Variants in GRID2IP observed in about 807,000 individuals in gnomAD.
GRID2IP encodes the protein delphilin.
Under a neutral mutation model 114.3 loss-of-function variants are expected in GRID2IP, and 78 were observed. That is an observed-to-expected ratio of 0.68 (90% confidence interval 0.57 to 0.82). The LOEUF (loss-of-function observed/expected upper bound fraction) is 0.82. GRID2IP is among the 40% of genes least tolerant of loss of function. The pLI, the probability that GRID2IP is intolerant of heterozygous loss-of-function variation, is 0.00. For missense variants in GRID2IP, 1,727 were observed against 1,678.5 expected (o/e 1.03, Z -0.51); for synonymous variants, 809 against 724.0 (o/e 1.12, Z -1.89).
At chr7:6,540,939 T>G (rs986400673) in intron 1 of GRID2IP, among the ~76,000 whole-genome samples, 2 of 152,088 alleles carry the variant, frequency 1.3e-5, no homozygotes, top group African/African-American at 4.8e-5. Flanking sequence ...TGGGCTCAAG[T>G]GATCCTCCCT....
rs916434211 is a variant in GRID2IP, at chr7:6,539,124, G to C, written c.584+594C>G. ...CTAGGTTTTGGGGTGGAGCAGGGCA[G>C]ACTGTGACCTTTTTTTTTTTTTGAG... On this transcript the variant is annotated intron_variant, in intron 2 of 21. Transcript: ENST00000457091. 2.6e-3 allele frequency among the ~76,000 whole-genome samples: 349 copies of C among 135,852 alleles called. 3 individuals are homozygous for C. Among genetic ancestry groups the C allele is most frequent in the Non-Finnish European group, 1.3e-3 (82 of 65,526 alleles). 89.1% of individuals were successfully genotyped at this position (135,852 alleles called of 152,430 possible). A position where few individuals can be genotyped will look rare whatever the true frequency, so the allele number is the denominator to read the frequency against.
In GRID2IP at chr7:6,532,703, T is replaced by C. The variant is rs946556639; in HGVS notation, c.585-5934A>G. ...TGGGGCCCCAGCCATCCCATTATGATTGGAGCCATTCCTGGTTGTATTGTG... is the reference window on the plus strand; with the variant it reads ...TGGGGCCCCAGCCATCCCATTATGACTGGAGCCATTCCTGGTTGTATTGTG... On this transcript the variant is annotated intron_variant, in intron 2 of 21. Transcript: ENST00000457091. The surrounding 1 kb of genome is among the most constrained non-coding windows in gnomAD (Gnocchi z 4.4). Among the ~76,000 whole-genome samples, 2 of 152,320 alleles carry C rather than the reference T, an allele frequency of 1.3e-5. No individual in the cohort carries two copies. The highest frequency in any genetic ancestry group is 2.9e-5 in the Non-Finnish European group (2 of 68,034).
At chr7:6,549,764 G>A (rs1385994229) in intron 1 of GRID2IP, among the ~76,000 whole-genome samples, 3 of 151,386 alleles carry the variant, frequency 2.0e-5, no homozygotes, top group African/African-American at 7.3e-5. Context: ...TGGCACCACA[G>A]GCGCGCGCCA....
In GRID2IP at chr7:6,539,732, G is replaced by C; in HGVS notation, c.570C>G (p.Leu190=). The change falls in exon 2 of 22, where the codon CTC becomes CTG. Residue 190 remains leucine (L), a synonymous_variant. Coordinates refer to ENST00000457091, the MANE Select transcript of GRID2IP (RefSeq NM_001145118.2). ...GCCCGCAGTACCTGAGGTTGTCCAG[G>C]AGTGGCCCGCAGGCCTCTCGGGGCA... is the stretch of plus-strand genomic sequence containing the variant. ...LALPREACGP[L]LDNLRIFIPK... is the part of the protein sequence containing the mutation. 6.5e-7 allele frequency: 1 copy of C among 1,549,292 alleles called. No individual in the cohort carries two copies. The highest frequency in any genetic ancestry group is 1.2e-5 in the South Asian group (1 of 83,926).
rs527505382 is a variant in GRID2IP at position 6,503,298 on chromosome 7, C to A, written c.2908-135G>T. The A allele has an allele frequency of 4.6e-6, 5 of 1,093,490 alleles. No individual in the cohort carries two copies. In the African/African-American group the frequency reaches 6.3e-5, roughly 14 times the overall value. 67.7% of individuals were successfully genotyped at this position (1,093,490 alleles called of 1,614,324 possible). On this transcript the variant is annotated intron_variant, in intron 16 of 21. Coordinates refer to ENST00000457091, the MANE Select transcript of GRID2IP (RefSeq NM_001145118.2). ...TTCCGGTAGGAAGAATAAGCACGATCCCTGGGGGAGCCCGCCTCCCATGTA... is the reference window on the plus strand; with the variant it reads ...TTCCGGTAGGAAGAATAAGCACGATACCTGGGGGAGCCCGCCTCCCATGTA...
At chr7:6,511,887 TTCTC>T (rs1277381298) in intron 8 of GRID2IP, among the ~76,000 whole-genome samples, 2 of 151,824 alleles carry the variant, frequency 1.3e-5, no homozygotes, top group East Asian at 1.9e-4. Context: ...TTTCTCTCTT[TTCTC>T]TCTCTCTGTC....
Position 6,502,114 on chromosome 7 carries a change from T to C in GRID2IP, c.3155A>G (p.Asn1052Ser). The C allele has an allele frequency of 6.4e-7, 1 of 1,550,460 alleles. No homozygotes were observed. The highest frequency in any genetic ancestry group is 8.7e-7 in the Non-Finnish European group (1 of 1,146,634). ...GFKINFLTEL[N>S]STKTVDGKST... The stretch of plus-strand genomic sequence containing the variant: ...CTTCCCATCCACTGTCTTGGTGGAG[T>C]TCAGCTGCAAGTGACCCCCAATATA... The change falls in exon 19 of 22, where the codon AAC becomes AGC. Residue 1052 changes from asparagine to serine, a missense_variant. By Grantham distance (46) the Asn-to-Ser change is conservative. Transcript: ENST00000457091.
intron 7 of GRID2IP, among the ~76,000 whole-genome samples, chr7:6,515,376 C>A (rs901190613): frequency 6.6e-6 from 1 of 151,914 alleles, no homozygotes; most frequent in African/African-American, 2.4e-5. Flanking sequence ...GTAGGAGAAT[C>A]GCTTAGACTG....
At chr7:6,512,731 G>A (rs1249369951) in intron 8 of GRID2IP, among the ~76,000 whole-genome samples, 3 of 151,824 alleles carry the variant, frequency 2.0e-5, no homozygotes, top group Non-Finnish European at 2.9e-5. Context: ...GGCTTGTCTC[G>A]AACTCCTGAC....
At chr7:6,543,571 C>A (rs75546071) in intron 1 of GRID2IP, among the ~76,000 whole-genome samples, 1 of 151,866 alleles carries the variant, frequency 6.6e-6, no homozygotes. Context: ...GGTTGCGTCA[C>A]TCTCACCTCA....
intron 1 of GRID2IP, among the ~76,000 whole-genome samples, chr7:6,546,885 A>T (rs1288824166): frequency 3.3e-5 from 5 of 152,022 alleles, no homozygotes; most frequent in Non-Finnish European, 5.9e-5. Flanking sequence ...TCTGGGATAG[A>T]CCTTTGGCTC....
chr7:6,550,899 C>G, intron 1 of GRID2IP, 109 bp downstream of exon 1: 1 of 1,160,940 alleles, frequency 8.6e-7, no homozygotes, highest in Non-Finnish European at 1.1e-6. Context: ...TAAATCTGAC[C>G]CCAGAAGTTT....
intron 1 of GRID2IP, among the ~76,000 whole-genome samples, chr7:6,549,088 G>A (rs1779929945): frequency 6.6e-6 from 1 of 152,166 alleles, no homozygotes; most frequent in Admixed American, 6.5e-5. Flanking sequence ...AATGGCATGG[G>A]AGGTTGCTGT....
Position 6,526,542 on chromosome 7 carries a change from G to C in GRID2IP, c.812C>G (p.Ala271Gly). ...GTACCTGCGCGCGCCCCCGGGGCCG[G>C]CGAGGCCGCCCACCAGCAAGGAGGC... ...RRASLLVGGL[A>G]GPGGARRTVR... The change falls in exon 3 of 22, where the codon GCC becomes GGC. Residue 271 changes from alanine (A) to glycine (G), a missense_variant. Ala to Gly is a moderately conservative substitution (Grantham distance 60, BLOSUM62 0). Transcript: ENST00000457091. This position sits in a 1 kb window ranked among gnomAD's most constrained non-coding sequence, Gnocchi z 7.6. 1 of 1,225,954 alleles carries C rather than the reference G, an allele frequency of 8.2e-7. No individual in the cohort carries two copies. Among genetic ancestry groups the C allele is most frequent in the Non-Finnish European group, 1.0e-6 (1 of 984,134 alleles). 75.9% of individuals were successfully genotyped at this position (1,225,954 alleles called of 1,614,324 possible). A position where few individuals can be genotyped will look rare whatever the true frequency, so the allele number is the denominator to read the frequency against.
Position 6,523,460 on chromosome 7 carries a change from T to G in GRID2IP, c.920-1503A>C, listed in dbSNP as rs1314369817. 6.6e-6 allele frequency among the ~76,000 whole-genome samples: 1 copy of G among 152,162 alleles called. No homozygotes were observed. The highest frequency in any genetic ancestry group is 6.5e-5 in the Admixed American group (1 of 15,268). Reference sequence around the variant, plus strand: ...TTACCAGAGCCTCTCCAGGCCTCAGTTTCCCCATCTGTAAAAGCTTCCATC... The same window carrying G: ...TTACCAGAGCCTCTCCAGGCCTCAGGTTCCCCATCTGTAAAAGCTTCCATC... On this transcript the variant is annotated intron_variant, in intron 4 of 21. Transcript: ENST00000457091. This position sits in a 1 kb window ranked among gnomAD's most constrained non-coding sequence, Gnocchi z 4.5.
Position 6,524,714 on chromosome 7 carries a change from C to T in GRID2IP, c.919+1510G>A, listed in dbSNP as rs369012615. Among the ~76,000 whole-genome samples the T allele has an allele frequency of 2.0e-5, 3 of 151,296 alleles. No individual in the cohort carries two copies. The East Asian group carries it at 6.2e-4, about 31-fold the overall frequency. ...CAGCCTGGGTGACAGAGGGAGACCTCATCTCTCGTTTGTTTTTTTTGAGAT... is the reference window on the plus strand; with the variant it reads ...CAGCCTGGGTGACAGAGGGAGACCTTATCTCTCGTTTGTTTTTTTTGAGAT... On this transcript the variant is annotated intron_variant, in intron 4 of 21. Coordinates refer to ENST00000457091, the MANE Select transcript of GRID2IP (RefSeq NM_001145118.2).
At chr7:6,517,819 C>T (rs1297339061) in intron 7 of GRID2IP, among the ~76,000 whole-genome samples, 1 of 152,016 alleles carries the variant, frequency 6.6e-6, no homozygotes, top group East Asian at 1.9e-4. Context: ...AGGAGACACA[C>T]TTGAACCGGG....
At chr7:6,537,342 G>C (rs766383009) in intron 2 of GRID2IP, among the ~76,000 whole-genome samples, 1 of 146,270 alleles carries the variant, frequency 6.8e-6, no homozygotes, top group Non-Finnish European at 1.5e-5. Context: ...TCAGGAGTTC[G>C]AGACCAGCCT....
Position 6,509,229 on chromosome 7 carries a change from A to G in GRID2IP, c.1856T>C (p.Leu619Pro). The change falls in exon 12 of 22, where the codon CTG (leucine) becomes CCG (proline). Residue 619 changes from leucine to proline, a missense_variant. By Grantham distance (98) the Leu-to-Pro change is moderately conservative. Coordinates refer to ENST00000457091, the MANE Select transcript of GRID2IP (RefSeq NM_001145118.2). This position sits in a 1 kb window ranked among gnomAD's most constrained non-coding sequence, Gnocchi z 4.9. ...GGACTCAGAGCTGCTGGGGGAGGCC[A>G]GACCCCCCGAACACAGCGGGTGGTA... ...PCYHPLCSGG[L>P]ASPSSSESHP... The G allele has an allele frequency of 6.6e-7, 1 of 1,508,354 alleles. No individual in the cohort carries two copies. Among genetic ancestry groups the G allele is most frequent in the South Asian group, 1.3e-5 (1 of 77,160 alleles). The allele number at this position is 1,508,354 out of a possible 1,614,324, so 93.4% of individuals were successfully genotyped here. A position where few individuals can be genotyped will look rare whatever the true frequency, so the allele number is the denominator to read the frequency against.
Sources: gnomAD v4.1 joint callset for allele counts (sites outside exome capture counted in the v4.1 genomes callset) on GRCh38, gnomAD v4.1.1 for gene constraint, Gnocchi (gnomAD v3.1) non-coding constraint, MANE v1.5 for transcripts, NCBI Gene and HGNC (gene_info 2026-07-23, HGNC 2026-07-21) for gene names.